Variants in TUBD1 observed in about 807,000 individuals in gnomAD.
TUBD1 encodes the protein tubulin delta 1, also known as tubulin delta chain.
In TUBD1, 38 loss-of-function variants were observed where a neutral mutation model predicts 51.2. The observed-to-expected ratio is 0.74, with a 90% CI of 0.57 to 0.97. The LOEUF is 0.97. Among genes scored for constraint, TUBD1 ranks in the 50% least tolerant of loss-of-function variants. The pLI is 0.00. For synonymous variants in TUBD1, 169 were observed against 178.2 expected, an observed-to-expected ratio of 0.95 and a Z score of 0.41; for missense variants, 489 against 538.4, an observed-to-expected ratio of 0.91 and a Z score of 0.91.
chr17:59,863,728 T>G lies in TUBD1; in HGVS notation c.1195A>C (p.Ser399Arg). ...TCAAGTGGTTTTACTAAGAACTGGC[T>G]GTTGCTGACCAACACTGCAGACTTC... The part of the protein sequence containing the change: ...YEKSAVLVSN[S>R]QFLVKPLDMI... Residue 399 changes from serine (S) to arginine (R), a missense_variant, in exon 8 of 9, where the codon AGC becomes CGC. Transcript: ENST00000325752. 1 of 1,608,142 alleles carries G rather than the reference T, an allele frequency of 6.2e-7. No individual in the cohort carries two copies. Among genetic ancestry groups the G allele is most frequent in the Non-Finnish European group, 8.5e-7 (1 of 1,178,356 alleles).
chr17:59,861,840 G>C (rs1222567588), intron 8 of TUBD1, among the ~76,000 whole-genome samples: 1 of 151,166 alleles, frequency 6.6e-6, no homozygotes, highest in Admixed American at 6.6e-5. Flanking sequence ...GCTGTTTTTT[G>C]TGTTTTTAGT....
Position 59,874,710 on chromosome 17 carries a change from A to T in TUBD1, c.770-7T>A, listed in dbSNP as rs758196075. 2 of 1,600,482 alleles carry T rather than the reference A, an allele frequency of 1.2e-6. No individual in the cohort carries two copies. The highest frequency in any genetic ancestry group is 3.6e-5 in the Admixed American group (2 of 55,722). ...AAATGCTCCATTAAGTCTCCTGTAA[A>T]GAAAAAAAAATCTGAACTAATTTTT... On this transcript the variant is annotated splice_region_variant and splice_polypyrimidine_tract_variant and intron_variant, in intron 5 of 8. Coordinates refer to ENST00000325752, the MANE Select transcript of TUBD1 (RefSeq NM_016261.4).
intron 5 of TUBD1, among the ~76,000 whole-genome samples, chr17:59,876,901 G>A (rs759102849): frequency 4.4e-4 from 65 of 149,344 alleles, no homozygotes; most frequent in Non-Finnish European, 7.3e-4. Flanking sequence ...TCTCGCTGTC[G>A]CCCAGGCAGG....
chr17:59,871,880 C>A (rs1230851306), intron 6 of TUBD1, among the ~76,000 whole-genome samples: 6 of 151,968 alleles, frequency 3.9e-5, no homozygotes, highest in African/African-American at 1.5e-4. Flanking sequence ...ATTTTAAACT[C>A]AAATCCCTTG....
chr17:59,887,990 A>G (rs1278188131), intron 2 of TUBD1, among the ~76,000 whole-genome samples: 2 of 150,440 alleles, frequency 1.3e-5, no homozygotes, highest in African/African-American at 4.9e-5. Context: ...GCTGGAGTGC[A>G]GTGGTGCGAT....
chr17:59,869,037 T>C (rs1312036084), intron 6 of TUBD1, among the ~76,000 whole-genome samples: 3 of 150,646 alleles, frequency 2.0e-5, no homozygotes, highest in Admixed American at 6.6e-5. Flanking sequence ...CAAAACAAAA[T>C]CTTCCCACAG....
chr17:59,870,243 T>C (rs191729465), intron 6 of TUBD1, among the ~76,000 whole-genome samples: 6 of 151,612 alleles, frequency 4.0e-5, no homozygotes, highest in African/African-American at 1.2e-4. Context: ...CATTCATACA[T>C]TGGTAATCCC....
chr17:59,886,195 G>A lies in TUBD1; in HGVS notation c.208C>T (p.Pro70Ser). ...IARAVLVDME[P>S]KVINQMLSKA... ...GACAGCATTTGATTGATAACTTTGGGTTCCATGTCAACAAGAACAGCCCGG... is the reference window on the plus strand; with the variant it reads ...GACAGCATTTGATTGATAACTTTGGATTCCATGTCAACAAGAACAGCCCGG... The change falls in exon 3 of 9, where the codon CCC becomes TCC. Residue 70 changes from proline (P) to serine (S), a missense_variant. Physicochemically the swap from Pro to Ser is moderately conservative, Grantham distance 74 (BLOSUM62 -1). Transcript: ENST00000325752. The A allele has an allele frequency of 6.2e-7, 1 of 1,613,592 alleles. No individual in the cohort carries two copies. The highest frequency in any genetic ancestry group is 8.5e-7 in the Non-Finnish European group (1 of 1,179,926).
chr17:59,868,399 A>G (rs2144458677), intron 6 of TUBD1, among the ~76,000 whole-genome samples: 1 of 152,052 alleles, frequency 6.6e-6, no homozygotes, highest in Non-Finnish European at 1.5e-5. Context: ...GAAATAGGGT[A>G]AATCTTTACG....
chr17:59,878,509 G>A lies in TUBD1; in HGVS notation c.538-175C>T, dbSNP rs1313587325. 3 of 518,220 alleles carry A rather than the reference G, an allele frequency of 5.8e-6. No homozygotes were observed. In the East Asian group the frequency reaches 9.5e-5, roughly 16 times the overall value. 32.1% of individuals were successfully genotyped at this position (518,220 alleles called of 1,614,324 possible). A position where few individuals can be genotyped will look rare whatever the true frequency, so the allele number is the denominator to read the frequency against. ...GTTTCCTTTTTTTTTTTTTTTTTGA[G>A]ATAGAGACTCTGTCGCCCAGGCTGG... On this transcript the variant is annotated intron_variant, in intron 4 of 8. Coordinates refer to ENST00000325752, the MANE Select transcript of TUBD1 (RefSeq NM_016261.4).
At chr17:59,869,088 A>G (rs2039856709) in intron 6 of TUBD1, among the ~76,000 whole-genome samples, 1 of 151,950 alleles carries the variant, frequency 6.6e-6, no homozygotes, top group Non-Finnish European at 1.5e-5. Flanking sequence ...AGATCCTTCA[A>G]CCTGGTTTGT....
chr17:59,862,358 G>T (rs1041194808), intron 8 of TUBD1, among the ~76,000 whole-genome samples: 1 of 151,386 alleles, frequency 6.6e-6, no homozygotes, highest in African/African-American at 2.4e-5. Flanking sequence ...TAGAAGCCTT[G>T]TCCACTCATT....
At chr17:59,871,149 T>C (rs901168144) in intron 6 of TUBD1, among the ~76,000 whole-genome samples, 14 of 152,324 alleles carry the variant, frequency 9.2e-5, no homozygotes, top group Admixed American at 3.3e-4. Context: ...CCTAGAATCC[T>C]ATCCCTGGCC....
chr17:59,879,099 A>C (rs952407911), intron 4 of TUBD1, among the ~76,000 whole-genome samples: 4 of 150,118 alleles, frequency 2.7e-5, no homozygotes, highest in Admixed American at 2.0e-4. Flanking sequence ...ACATGGAAAA[A>C]CCCCCCACCT....
In TUBD1 at chr17:59,892,917, T is replaced by C; in HGVS notation, c.-260A>G. 1 of 487,798 alleles carries C rather than the reference T, an allele frequency of 2.1e-6. No homozygotes were observed. Among genetic ancestry groups the C allele is most frequent in the Non-Finnish European group, 3.7e-6 (1 of 269,052 alleles). The allele number at this position is 487,798 out of a possible 1,614,324, so 30.2% of individuals were successfully genotyped here. The stretch of plus-strand genomic sequence containing the variant: ...TCAGATATGGTACGCATGCTCACTG[T>C]CCACCGAACGCTCCAGCTGACAATG... On this transcript the variant is annotated 5_prime_UTR_variant, in exon 1 of 9. Coordinates refer to ENST00000325752, the MANE Select transcript of TUBD1 (RefSeq NM_016261.4).
chr17:59,888,101 A>T (rs1356105739), intron 2 of TUBD1, among the ~76,000 whole-genome samples: 1 of 151,816 alleles, frequency 6.6e-6, no homozygotes. Flanking sequence ...CGCCTGGCTA[A>T]TTTTTTTGTA....
chr17:59,886,236 G>C lies in TUBD1; in HGVS notation c.173-6C>G. The C allele has an allele frequency of 3.1e-6, 5 of 1,600,634 alleles. No individual in the cohort carries two copies. The highest frequency in any genetic ancestry group is 4.3e-6 in the Non-Finnish European group (5 of 1,176,060). ...AACAGCCCGGGCAATTGGAACTAGA[G>C]GGGGAAAAAAACCCAAAAACATCGA... On this transcript the variant is annotated splice_region_variant and splice_polypyrimidine_tract_variant and intron_variant, in intron 2 of 8. Transcript: ENST00000325752.
rs144196785 is a variant in TUBD1, at chr17:59,879,133, G to A, written c.538-799C>T. ...CTCTACTAAAAATACAAAATTAGCC[G>A]AGCGCATGCCTGTAGTCCCAGCTAC... On this transcript the variant is annotated intron_variant, in intron 4 of 8. Coordinates refer to ENST00000325752, the MANE Select transcript of TUBD1 (RefSeq NM_016261.4). Among the ~76,000 whole-genome samples the A allele has an allele frequency of 4.8e-3, 730 of 151,874 alleles. 9 individuals are homozygous for A. Among genetic ancestry groups the A allele is most frequent in the African/African-American group, 0.017 (695 of 41,468 alleles).
chr17:59,874,140 G>A (rs1281984681), intron 6 of TUBD1, among the ~76,000 whole-genome samples: 3 of 135,494 alleles, frequency 2.2e-5, no homozygotes, highest in Non-Finnish European at 4.5e-5. Flanking sequence ...AGTGAGCTGA[G>A]ATCACGCCAC....
Sources: allele counts gnomAD v4.1 joint callset (sites outside exome capture counted in the v4.1 genomes callset), GRCh38; gene constraint gnomAD v4.1.1; transcripts MANE v1.5; gene names NCBI Gene and HGNC (gene_info 2026-07-23, HGNC 2026-07-21).